ATP6V1B2: variants seen among roughly 807,000 people sequenced by gnomAD.
The protein encoded by ATP6V1B2 is V-type proton ATPase subunit B, brain isoform.
A neutral mutation model predicts 66.7 loss-of-function variants in ATP6V1B2; 23 were observed. That is an observed-to-expected ratio of 0.34 (90% CI 0.25 to 0.49). The LOEUF is 0.49. ATP6V1B2 is among the 20% of genes least tolerant of loss of function. ATP6V1B2 has a pLI of 0.99. For synonymous variants in ATP6V1B2, 278 were observed against 236.7 expected (o/e 1.17, Z -1.60); for missense variants, 478 against 650.8 (o/e 0.73, Z 2.89).
Position 20,214,829 on chromosome 8 carries a change from C to T in ATP6V1B2, c.939C>T (p.Ala313=). The change falls in exon 10 of 14, where the codon GCC becomes GCT. Residue 313 remains alanine (A), a synonymous_variant. Coordinates refer to ENST00000276390, the MANE Select transcript of ATP6V1B2 (RefSeq NM_001693.4). ...YAEALREVSA[A]REEVPGRRGF... is the part of the protein sequence containing the mutation. ...TGACCTGCTGTCAGGTTTCAGCAGC[C>T]AGGGAAGAGGTACCTGGTCGACGAG... 6.2e-7 allele frequency: 1 copy of T among 1,611,018 alleles called. No homozygotes were observed. Among genetic ancestry groups the T allele is most frequent in the Non-Finnish European group, 8.5e-7 (1 of 1,178,516 alleles).
chr8:20,199,050 T>A (rs945964856), intron 1 of ATP6V1B2, among the ~76,000 whole-genome samples: 2 of 152,212 alleles, frequency 1.3e-5, no homozygotes, highest in Non-Finnish European at 2.9e-5. Context: ...GGTGCAGTAG[T>A]CAGTTTCCAT....
At chr8:20,218,991 T>A (rs1245946046) in intron 13 of ATP6V1B2, among the ~76,000 whole-genome samples, 1 of 152,244 alleles carries the variant, frequency 6.6e-6, no homozygotes, top group Non-Finnish European at 1.5e-5. Flanking sequence ...AACTGGGCAT[T>A]ATTCTTAACC....
rs774190948 is a variant in ATP6V1B2, at chr8:20,197,445, C to G, written c.39C>G (p.Ala13=). 3.2e-6 allele frequency: 5 copies of G among 1,543,356 alleles called. No homozygotes were observed. The African/African-American group carries it at 5.7e-5, about 18-fold the overall frequency. The change falls in exon 1 of 14, where the codon GCC becomes GCG. Residue 13 remains alanine (A), a synonymous_variant. Transcript: ENST00000276390. ...LRAMRGIVNG[A]APELPVPTGG... ...CGATGCGGGGGATTGTCAACGGGGC[C>G]GCACCCGAGCTACCCGTGCCCACCG...
At chr8:20,204,377 A>G (rs2072717107) in intron 1 of ATP6V1B2, 107 bp from the exon 2 acceptor site, 2 of 942,588 alleles carry the variant, frequency 2.1e-6, no homozygotes, top group Admixed American at 2.2e-5. Context: ...AGTGTACCGT[A>G]TTCTAATAGA....
At position 20,220,473 on chromosome 8, in the gene ATP6V1B2, C is replaced by A. The variant is rs1312260758; in HGVS notation, c.*71C>A. 6.8e-7 allele frequency: 1 copy of A among 1,462,330 alleles called. No homozygotes were observed. The highest frequency in any genetic ancestry group is 1.5e-5 in the African/African-American group (1 of 68,574). The allele number at this position is 1,462,330 out of a possible 1,614,324, so 90.6% of individuals were successfully genotyped here. A position where few individuals can be genotyped will look rare whatever the true frequency, so the allele number is the denominator to read the frequency against. On this transcript the variant is annotated 3_prime_UTR_variant, in exon 14 of 14. Transcript: ENST00000276390. ...GTTTTCTTTATTCCTTTTGCACTCT[C>A]GGTTCCCACCTTTGTGTTGGAGTTT...
At chr8:20,218,060 G>T (rs922527302) in intron 12 of ATP6V1B2, 93 bp from the exon 13 acceptor site, 11 of 1,459,984 alleles carry the variant, frequency 7.5e-6, no homozygotes, top group Non-Finnish European at 1.0e-5. Context: ...ATGGGCTCTT[G>T]TGAGGAGAAC....
intron 2 of ATP6V1B2, among the ~76,000 whole-genome samples, chr8:20,206,398 C>G (rs1471669151): frequency 6.6e-6 from 1 of 152,206 alleles, no homozygotes; most frequent in Non-Finnish European, 1.5e-5. Context: ...AGGTTACCCA[C>G]AGCTACTGTC....
chr8:20,205,104 G>C (rs2072725071), intron 2 of ATP6V1B2, among the ~76,000 whole-genome samples: 1 of 152,118 alleles, frequency 6.6e-6, no homozygotes. Context: ...ACAAGATTTA[G>C]GCAGGTGCCC....
At chr8:20,210,305 A>C in intron 3 of ATP6V1B2, 41 bp from the exon 4 acceptor site, 2 of 1,537,282 alleles carry the variant, frequency 1.3e-6, no homozygotes. Flanking sequence ...CCCGTGATCT[A>C]AATTACTTCT....
intron 5 of ATP6V1B2, 129 bp from the exon 6 acceptor site, chr8:20,211,048 T>C (rs992098089): frequency 4.1e-6 from 5 of 1,221,048 alleles, no homozygotes; most frequent in Admixed American, 3.2e-5. Context: ...TTTTTTGTAG[T>C]AAAGAGATGC....
intron 3 of ATP6V1B2, 66 bp downstream of exon 3, chr8:20,209,597 C>A: frequency 7.1e-7 from 1 of 1,410,226 alleles, no homozygotes; most frequent in Non-Finnish European, 1.0e-6. Flanking sequence ...CTGCTTGTTT[C>A]TTTCTGTGAT....
At chr8:20,206,067 A>G (rs760527828) in intron 2 of ATP6V1B2, among the ~76,000 whole-genome samples, 2 of 152,258 alleles carry the variant, frequency 1.3e-5, no homozygotes, top group Non-Finnish European at 2.9e-5. Context: ...CAAACTTTTA[A>G]CCTCTTAGTG....
chr8:20,210,791 T>C (rs550109268), intron 5 of ATP6V1B2, 145 bp downstream of exon 5: 1 of 411,096 alleles, frequency 2.4e-6, no homozygotes, highest in South Asian at 9.1e-5. Context: ...TTTTATTATT[T>C]AATTATATTT....
chr8:20,208,156 G>A (rs974667740), intron 2 of ATP6V1B2, among the ~76,000 whole-genome samples: 1 of 152,176 alleles, frequency 6.6e-6, no homozygotes, highest in Non-Finnish European at 1.5e-5. Context: ...AATGGGCATG[G>A]CCTGTATGTG....
chr8:20,207,875 TAAG>T (rs1052471729), intron 2 of ATP6V1B2, among the ~76,000 whole-genome samples: 12 of 152,076 alleles, frequency 7.9e-5, no homozygotes, highest in African/African-American at 1.9e-4. Context: ...ACTTGATAAG[TAAG>T]AAAAGGATAT....
rs761328130 is a variant in ATP6V1B2 at position 20,220,425 on chromosome 8, C to T, written c.*23C>T. On this transcript the variant is annotated 3_prime_UTR_variant, in exon 14 of 14. Coordinates refer to ENST00000276390, the MANE Select transcript of ATP6V1B2 (RefSeq NM_001693.4). ...TAGCTGCTGCTTCTGCATTGCTCCGCGCTCTTGTGAAATACTGGTTCTGTT... is the reference window on the plus strand; with the variant it reads ...TAGCTGCTGCTTCTGCATTGCTCCGTGCTCTTGTGAAATACTGGTTCTGTT... 65 of 1,532,138 alleles carry T rather than the reference C, an allele frequency of 4.2e-5. No homozygotes were observed. Among genetic ancestry groups the T allele is most frequent in the South Asian group, 9.1e-5 (7 of 77,264 alleles). 94.9% of individuals were successfully genotyped at this position (1,532,138 alleles called of 1,614,324 possible). A position where few individuals can be genotyped will look rare whatever the true frequency, so the allele number is the denominator to read the frequency against.
intron 1 of ATP6V1B2, among the ~76,000 whole-genome samples, chr8:20,202,595 A>C (rs1160986400): frequency 6.6e-6 from 1 of 152,164 alleles, no homozygotes; most frequent in Non-Finnish European, 1.5e-5. Context: ...AAAAGCTATG[A>C]CTAGTGTTTC....
At chr8:20,209,912 A>G (rs1338556343) in intron 3 of ATP6V1B2, among the ~76,000 whole-genome samples, 4 of 151,990 alleles carry the variant, frequency 2.6e-5, no homozygotes, top group Non-Finnish European at 4.4e-5. Flanking sequence ...CTAAAATAAC[A>G]TGTTCCCCTT....
chr8:20,211,746 C>T lies in ATP6V1B2; in HGVS notation c.698C>T (p.Ala233Val), dbSNP rs1441068315. Residue 233 changes from alanine to valine, a missense_variant, in exon 7 of 14, where the codon GCT (alanine) becomes GTT (valine). By Grantham distance (64) the Ala-to-Val change is moderately conservative (BLOSUM62 0). Transcript: ENST00000276390. Reference protein sequence around the residue: ...SEENFAIVFAAMGVNMETARF... With the variant: ...SEENFAIVFAVMGVNMETARF... ...GAAAATTTTGCAATTGTATTTGCTGCTATGGGTGTAAGTAGAATTTTTGTT... is the reference window on the plus strand; with the variant it reads ...GAAAATTTTGCAATTGTATTTGCTGTTATGGGTGTAAGTAGAATTTTTGTT... The T allele has an allele frequency of 6.2e-7, 1 of 1,601,226 alleles. No homozygotes were observed.
Sources: gnomAD v4.1 joint callset for allele counts (sites outside exome capture counted in the v4.1 genomes callset) on GRCh38, gnomAD v4.1.1 for gene constraint, MANE v1.5 for transcripts, NCBI Gene and HGNC (gene_info 2026-07-23, HGNC 2026-07-21) for gene names.